EXOC5: variants seen among roughly 807,000 people sequenced by gnomAD.
The protein encoded by EXOC5 is exocyst complex component 5.
EXOC5 carries 17 observed loss-of-function variants against 90.8 expected under a neutral mutation model. That is an observed-to-expected ratio of 0.19 (90% CI 0.13 to 0.28). The LOEUF (loss-of-function observed/expected upper bound fraction) is 0.28. EXOC5 is among the 10% of genes least tolerant of loss of function. EXOC5 has a pLI of 1.00. For synonymous variants in EXOC5, 260 were observed against 270.0 expected, an observed-to-expected ratio of 0.96 and a Z score of 0.36; for missense variants, 569 against 830.6, an observed-to-expected ratio of 0.69 and a Z score of 3.87.
chr14:57,217,583 A>T (rs60328452), intron 15 of EXOC5, among the ~76,000 whole-genome samples: 45,479 of 152,060 alleles, frequency 0.3, 12,106 homozygotes, highest in African/African-American at 0.72. Context: ...ACTACTCCAG[A>T]TAATGGCTGT....
Position 57,265,971 on chromosome 14 carries a change from G to A in EXOC5, c.27+2651C>T, listed in dbSNP as rs190349998. ...TATTACTAAATCATTTCGGTCAACT[G>A]AGGAAATATATTACAGTTTGATTTT... is the stretch of plus-strand genomic sequence containing the variant. On this transcript the variant is annotated intron_variant, in intron 1 of 17. Transcript: ENST00000621441. Among the ~76,000 whole-genome samples the A allele has an allele frequency of 9.2e-5, 14 of 152,298 alleles. No homozygotes were observed. The East Asian group carries it at 2.7e-3, about 29-fold the overall frequency.
At chr14:57,238,799 G>A (rs1883760532) in intron 5 of EXOC5, among the ~76,000 whole-genome samples, 1 of 151,906 alleles carries the variant, frequency 6.6e-6, no homozygotes, top group African/African-American at 2.4e-5. Flanking sequence ...TATTTTACCT[G>A]TTCCTGAAGA....
intron 12 of EXOC5, among the ~76,000 whole-genome samples, chr14:57,228,470 A>G (rs1883379168): frequency 6.6e-6 from 1 of 152,196 alleles, no homozygotes; most frequent in South Asian, 2.1e-4. Flanking sequence ...CCCATCAATG[A>G]TAGACTGGAT....
At chr14:57,241,246 T>C (rs1412133700) in intron 4 of EXOC5, among the ~76,000 whole-genome samples, 4 of 152,218 alleles carry the variant, frequency 2.6e-5, no homozygotes, top group Non-Finnish European at 5.9e-5. Context: ...CTCCAAATTA[T>C]AGTGAATATA....
intron 9 of EXOC5, 96 bp downstream of exon 9, chr14:57,233,647 C>A: frequency 1.4e-6 from 1 of 739,556 alleles, no homozygotes; most frequent in Non-Finnish European, 2.2e-6. Context: ...AAGGTCATTA[C>A]ATAAGTAAAC....
chr14:57,209,463 A>G (rs1882761239), intron 17 of EXOC5, 104 bp downstream of exon 17: 4 of 619,282 alleles, frequency 6.5e-6, no homozygotes, highest in Non-Finnish European at 1.1e-5. Flanking sequence ...AATATCAACA[A>G]AAGTTATAAA....
chr14:57,238,371 T>TAC (rs1226294016), intron 5 of EXOC5, among the ~76,000 whole-genome samples: 189 of 97,256 alleles, frequency 1.9e-3, no homozygotes, highest in East Asian at 0.011. Flanking sequence ...TATATATATA[T>TAC]ATATACACAC....
At chr14:57,247,772 A>G in intron 1 of EXOC5, 60 bp from the exon 2 acceptor site, 1 of 813,614 alleles carries the variant, frequency 1.2e-6, no homozygotes, top group Non-Finnish European at 1.9e-6. Context: ...AATATTACTT[A>G]TAAAATTAAA....
chr14:57,268,308 A>G (rs1353746764), intron 1 of EXOC5: 6 of 566,020 alleles, frequency 1.1e-5, no homozygotes, highest in Non-Finnish European at 1.5e-5. Flanking sequence ...CATCCGGAGT[A>G]GACATCTTCC....
At chr14:57,235,653 G>C in intron 7 of EXOC5, 58 bp downstream of exon 7, 1 of 852,402 alleles carries the variant, frequency 1.2e-6, no homozygotes, top group East Asian at 2.7e-5. Flanking sequence ...ATAATATATA[G>C]AACTTACGTA....
At chr14:57,246,658 A>C in intron 3 of EXOC5, 53 bp downstream of exon 3, 5 of 1,460,738 alleles carry the variant, frequency 3.4e-6, no homozygotes, top group Non-Finnish European at 4.7e-6. Context: ...ACTGGAAGAA[A>C]ATAAAGATAT....
chr14:57,260,881 C>T (rs1439930961), intron 1 of EXOC5, among the ~76,000 whole-genome samples: 2 of 152,046 alleles, frequency 1.3e-5, no homozygotes, highest in East Asian at 1.9e-4. Flanking sequence ...TAAAATCTGC[C>T]ATTAGCATTT....
At chr14:57,221,962 TTCTC>T (rs1367493615) in intron 13 of EXOC5, among the ~76,000 whole-genome samples, 1 of 152,144 alleles carries the variant, frequency 6.6e-6, no homozygotes, top group Non-Finnish European at 1.5e-5. Flanking sequence ...TTTTTAATAC[TTCTC>T]TTTCTAAATT....
At chr14:57,251,553 G>T (rs548546442) in intron 1 of EXOC5, among the ~76,000 whole-genome samples, 3 of 152,020 alleles carry the variant, frequency 2.0e-5, no homozygotes, top group African/African-American at 7.2e-5. Context: ...GAGTAAATTT[G>T]CAACTAGAAA....
intron 5 of EXOC5, 68 bp downstream of exon 5, chr14:57,239,527 G>C: frequency 1.1e-6 from 1 of 916,224 alleles, no homozygotes; most frequent in Non-Finnish European, 1.7e-6. Flanking sequence ...AATCATACAG[G>C]AAAAGATACT....
intron 12 of EXOC5, among the ~76,000 whole-genome samples, chr14:57,225,405 C>T (rs1383057809): frequency 6.6e-6 from 1 of 152,134 alleles, no homozygotes; most frequent in East Asian, 1.9e-4. Context: ...ATAATTTATT[C>T]TTAAGATCAG....
intron 4 of EXOC5, among the ~76,000 whole-genome samples, chr14:57,239,976 T>G (rs1883807390): frequency 6.6e-6 from 1 of 152,146 alleles, no homozygotes; most frequent in Non-Finnish European, 1.5e-5. Context: ...AATCATTGCT[T>G]GCTGAAAGCC....
intron 1 of EXOC5, among the ~76,000 whole-genome samples, chr14:57,258,369 A>C (rs1464843482): frequency 6.6e-6 from 1 of 152,218 alleles, no homozygotes; most frequent in Admixed American, 6.5e-5. Flanking sequence ...ATGCAGCCAT[A>C]AAAAAGGATG....
chr14:57,214,216 A>AG (rs1882908678), intron 15 of EXOC5, among the ~76,000 whole-genome samples: 3 of 152,132 alleles, frequency 2.0e-5, no homozygotes, highest in South Asian at 4.1e-4. Flanking sequence ...TGCTTGTTGT[A>AG]GGGGGGGATT....
Sources: gnomAD v4.1 joint callset for allele counts (sites outside exome capture counted in the v4.1 genomes callset) on GRCh38, gnomAD v4.1.1 for gene constraint, MANE v1.5 for transcripts, NCBI Gene and HGNC (gene_info 2026-07-23, HGNC 2026-07-21) for gene names.